YAP1: variants seen among roughly 807,000 people sequenced by gnomAD.
YAP1 encodes the protein transcriptional coactivator YAP1.
Under a neutral mutation model 56.9 loss-of-function variants are expected in YAP1, and 5 were observed. That is an observed-to-expected ratio of 0.09 (90% CI 0.05 to 0.18). The LOEUF is 0.18. YAP1 is among the 10% of genes least tolerant of loss of function. The pLI is 1.00. For synonymous variants in YAP1, 265 were observed against 248.1 expected, an observed-to-expected ratio of 1.07 and a Z score of -0.64; for missense variants, 539 against 651.8, an observed-to-expected ratio of 0.83 and a Z score of 1.88.
At chr11:102,147,394 C>T (rs578047290) in intron 2 of YAP1, among the ~76,000 whole-genome samples, 7 of 152,170 alleles carry the variant, frequency 4.6e-5, no homozygotes, top group Admixed American at 1.3e-4. Flanking sequence ...CATGTACATG[C>T]GGGAGTTTGA....
At chr11:102,175,785 A>C (rs1196956370) in intron 3 of YAP1, among the ~76,000 whole-genome samples, 1 of 152,210 alleles carries the variant, frequency 6.6e-6, no homozygotes, top group Non-Finnish European at 1.5e-5. Context: ...AATGCATTGC[A>C]CTATAACATT....
intron 3 of YAP1, among the ~76,000 whole-genome samples, chr11:102,176,316 T>C (rs73582055): frequency 0.03 from 4,549 of 152,258 alleles, 219 homozygotes; most frequent in African/African-American, 0.11. Flanking sequence ...AAACTCAGTG[T>C]AGAAGAGTGA....
At chr11:102,119,387 TTTAA>T (rs974178422) in intron 2 of YAP1, among the ~76,000 whole-genome samples, 2 of 152,128 alleles carry the variant, frequency 1.3e-5, no homozygotes, top group African/African-American at 2.4e-5. Context: ...CTTTGCATTA[TTTAA>T]TTAATTTGCA....
chr11:102,144,967 T>C (rs925467995), intron 2 of YAP1, among the ~76,000 whole-genome samples: 3 of 152,214 alleles, frequency 2.0e-5, no homozygotes, highest in Admixed American at 6.5e-5. Flanking sequence ...CAGCTATTTC[T>C]GAGCACAGAG....
At chr11:102,179,604 G>C (rs1291274508) in intron 3 of YAP1, among the ~76,000 whole-genome samples, 3 of 152,260 alleles carry the variant, frequency 2.0e-5, no homozygotes, top group East Asian at 3.9e-4. Context: ...ATTTAGGTCA[G>C]AGCTTACAGG....
intron 4 of YAP1, among the ~76,000 whole-genome samples, chr11:102,190,489 G>A (rs973883048): frequency 6.6e-6 from 1 of 151,568 alleles, no homozygotes. Context: ...AAAAATAGCT[G>A]GGAGTGGTGG....
chr11:102,147,873 C>G (rs1221420059), intron 2 of YAP1, among the ~76,000 whole-genome samples: 2 of 152,168 alleles, frequency 1.3e-5, no homozygotes, highest in African/African-American at 2.4e-5. Flanking sequence ...TCTCTGTCAT[C>G]TATACCACAG....
At chr11:102,199,616 C>T (rs1948747286) in intron 4 of YAP1, among the ~76,000 whole-genome samples, 1 of 152,146 alleles carries the variant, frequency 6.6e-6, no homozygotes, top group Admixed American at 6.5e-5. Flanking sequence ...CTTCTCTCTT[C>T]TTCCAGACAA....
chr11:102,209,211 A>C (rs922095913), intron 5 of YAP1, among the ~76,000 whole-genome samples: 2 of 152,242 alleles, frequency 1.3e-5, no homozygotes, highest in Non-Finnish European at 2.9e-5. Flanking sequence ...AACATCAAAT[A>C]TATTGTATCT....
rs911012785 is a variant in YAP1, at chr11:102,162,381, T to C, written c.573-75T>C. 6.7e-5 allele frequency: 88 copies of C among 1,306,114 alleles called. No individual in the cohort carries two copies. In the Middle Eastern group the frequency reaches 9.8e-4, roughly 15 times the overall value. 80.9% of individuals were successfully genotyped at this position (1,306,114 alleles called of 1,614,324 possible). On this transcript the variant is annotated intron_variant, in intron 2 of 8. Transcript: ENST00000282441. ...CAGAGCTCGCTTGGCACCCTTTGAT[T>C]ATGAGCCCACAAGATAAGAATTGTT...
At chr11:102,127,270 C>T (rs1197982069) in intron 2 of YAP1, among the ~76,000 whole-genome samples, 1 of 152,192 alleles carries the variant, frequency 6.6e-6, no homozygotes, top group Non-Finnish European at 1.5e-5. Flanking sequence ...CACGTCAGCC[C>T]CTCCCATCAC....
In YAP1 at chr11:102,111,157, C is replaced by T; in HGVS notation, c.309C>T (p.Ser103=). The T allele has an allele frequency of 6.2e-7, 1 of 1,612,900 alleles. No individual in the cohort carries two copies. Among genetic ancestry groups the T allele is most frequent in the East Asian group, 2.2e-5 (1 of 44,788 alleles). Residue 103 remains serine, a synonymous_variant, in exon 1 of 9, where the codon TCC becomes TCT. Coordinates refer to ENST00000282441, the MANE Select transcript of YAP1 (RefSeq NM_001130145.3). ...DSFFKPPEPK[S]HSRQASTDAG... is the part of the protein sequence containing the mutation. ...TCTTCAAGCCGCCGGAGCCCAAATC[C>T]CACTCCCGACAGGTAACCTCGTTGC...
At chr11:102,154,378 T>C (rs1396934072) in intron 2 of YAP1, among the ~76,000 whole-genome samples, 1 of 152,162 alleles carries the variant, frequency 6.6e-6, no homozygotes, top group Admixed American at 6.6e-5. Context: ...ATTTGTAATT[T>C]GGTATTGAAA....
At chr11:102,164,004 A>G (rs1946444612) in intron 3 of YAP1, among the ~76,000 whole-genome samples, 1 of 151,754 alleles carries the variant, frequency 6.6e-6, no homozygotes, top group South Asian at 2.1e-4. Context: ...CATTCTCAGA[A>G]TCTCTTTTAT....
intron 3 of YAP1, among the ~76,000 whole-genome samples, chr11:102,167,850 C>A (rs1946693731): frequency 6.6e-6 from 1 of 152,096 alleles, no homozygotes; most frequent in Non-Finnish European, 1.5e-5. Flanking sequence ...CCAGCCTGGG[C>A]AACATAGGGA....
intron 3 of YAP1, among the ~76,000 whole-genome samples, chr11:102,174,501 A>G (rs886101035): frequency 6.6e-6 from 1 of 151,986 alleles, no homozygotes; most frequent in African/African-American, 2.4e-5. Flanking sequence ...TGAACCCAGG[A>G]GGCAGAAGTT....
chr11:102,155,231 AT>A (rs1043228219), intron 2 of YAP1, among the ~76,000 whole-genome samples: 2 of 152,212 alleles, frequency 1.3e-5, no homozygotes, highest in African/African-American at 4.8e-5. Context: ...TAAAAATGAC[AT>A]CTAACGAATA....
chr11:102,203,878 A>G (rs1193542321), intron 4 of YAP1, among the ~76,000 whole-genome samples: 1 of 152,248 alleles, frequency 6.6e-6, no homozygotes, highest in Non-Finnish European at 1.5e-5. Flanking sequence ...AAAGATGTAA[A>G]TGAATTAAGT....
intron 6 of YAP1, among the ~76,000 whole-genome samples, chr11:102,214,418 TG>T (rs1210756840): frequency 6.6e-6 from 1 of 152,216 alleles, no homozygotes; most frequent in African/African-American, 2.4e-5. Flanking sequence ...GAGGTTCAGA[TG>T]TTCACAGTTG....
Sources: gnomAD v4.1 joint callset for allele counts (sites outside exome capture counted in the v4.1 genomes callset) on GRCh38, gnomAD v4.1.1 for gene constraint, MANE v1.5 for transcripts, NCBI Gene and HGNC (gene_info 2026-07-23, HGNC 2026-07-21) for gene names.